The following LRRC34 variants were observed in gnomAD, a reference collection of about 807,000 sequenced individuals.
The protein encoded by LRRC34 is leucine rich repeat containing 34.
LRRC34 carries 44 observed loss-of-function variants against 48.5 expected under a neutral mutation model. The observed-to-expected ratio is 0.91, with a 90% CI of 0.71 to 1.17. The LOEUF (loss-of-function observed/expected upper bound fraction) is 1.17. Ranked by LOEUF, LRRC34 falls within the 50% of genes most tolerant of loss-of-function variation. The pLI is 0.00. For synonymous variants in LRRC34, 192 were observed against 197.6 expected, an observed-to-expected ratio of 0.97 and a Z score of 0.24; for missense variants, 502 against 563.0, an observed-to-expected ratio of 0.89 and a Z score of 1.10.
chr3:169,799,185 A>G (rs6804721), intron 7 of LRRC34, among the ~76,000 whole-genome samples: 2,178 of 152,350 alleles, frequency 0.014, 20 homozygotes, highest in Middle Eastern at 0.027. Flanking sequence ...TTCTGGTACC[A>G]AAAAGTGCAG....
chr3:169,807,368 T>C, intron 4 of LRRC34, 58 bp downstream of exon 4: 3 of 1,468,706 alleles, frequency 2.0e-6, no homozygotes, highest in Non-Finnish European at 2.9e-6. Context: ...GTGTGTGTCA[T>C]TAGACTAATT....
rs1477254204 is a variant in LRRC34, at chr3:169,811,708, A to G, written c.139+702T>C. ...CAAGCACTGGGAAATCTAAGCGATA[A>G]GCATGAGTCAGAACGTGGGTGCCCT... On this transcript the variant is annotated intron_variant, in intron 1 of 10. Coordinates refer to ENST00000446859, the MANE Select transcript of LRRC34 (RefSeq NM_001172779.2). Among the ~76,000 whole-genome samples, 3 of 152,354 alleles carry G rather than the reference A, an allele frequency of 2.0e-5. No homozygotes were observed. In the East Asian group the frequency reaches 5.8e-4, roughly 29 times the overall value.
chr3:169,794,202 C>T (rs1240651074), intron 10 of LRRC34: 1 of 182,342 alleles, frequency 5.5e-6, no homozygotes, highest in Non-Finnish European at 1.2e-5. Flanking sequence ...GGTAGGGGGG[C>T]TCGGTAGGAG....
intron 5 of LRRC34, among the ~76,000 whole-genome samples, chr3:169,805,318 C>G (rs1779333253): frequency 6.6e-6 from 1 of 152,018 alleles, no homozygotes; most frequent in Non-Finnish European, 1.5e-5. Context: ...GACACAAGAT[C>G]AATATACAAA....
Position 169,809,239 on chromosome 3 carries a change from C to A in LRRC34, c.140-494G>T, listed in dbSNP as rs1329055556. Among the ~76,000 whole-genome samples, 3 of 143,158 alleles carry A rather than the reference C, an allele frequency of 2.1e-5. No homozygotes were observed. In the East Asian group the frequency reaches 6.8e-4, roughly 32 times the overall value. The allele number at this position is 143,158 out of a possible 152,430, so 93.9% of individuals were successfully genotyped here. On this transcript the variant is annotated intron_variant, in intron 1 of 10. Transcript: ENST00000446859. ...TTTTTTCAACTCAGTATCTCAGCAT[C>A]CACGAGAGGAAAAGGTTTCTTAAAA...
Position 169,812,680 on chromosome 3 carries a change from G to A in LRRC34, c.-132C>T. ...AGGCCTCACTGCTAAGGCAGTGACC[G>A]CCTACTCTGTGGAGGTCCTTTGTCA... On this transcript the variant is annotated 5_prime_UTR_variant, in exon 1 of 11. Coordinates refer to ENST00000446859, the MANE Select transcript of LRRC34 (RefSeq NM_001172779.2). The surrounding 1 kb of genome is among the most constrained non-coding windows in gnomAD (Gnocchi z 4.3). The A allele has an allele frequency of 7.9e-7, 1 of 1,258,192 alleles. No homozygotes were observed. The highest frequency in any genetic ancestry group is 1.7e-5 in the South Asian group (1 of 58,010). 77.9% of individuals were successfully genotyped at this position (1,258,192 alleles called of 1,614,324 possible). A position where few individuals can be genotyped will look rare whatever the true frequency, so the allele number is the denominator to read the frequency against.
intron 1 of LRRC34, among the ~76,000 whole-genome samples, chr3:169,809,527 A>G (rs1779491993): frequency 1.3e-5 from 2 of 152,200 alleles, no homozygotes; most frequent in Non-Finnish European, 2.9e-5. Context: ...TTTCTGTTAT[A>G]CATGCAGATT....
intron 7 of LRRC34, among the ~76,000 whole-genome samples, chr3:169,798,614 G>A (rs565516026): frequency 2.0e-5 from 3 of 152,134 alleles, no homozygotes; most frequent in Admixed American, 1.3e-4. Flanking sequence ...GCAACAAGGG[G>A]GCCTGGGCTT....
intron 7 of LRRC34, chr3:169,797,107 G>C (rs1779020729): frequency 5.8e-6 from 2 of 341,882 alleles, no homozygotes; most frequent in Non-Finnish European, 1.0e-5. Context: ...GTAAAATATA[G>C]TCACTATATT....
chr3:169,807,320 G>C (rs1779412392), intron 4 of LRRC34, 106 bp downstream of exon 4: 7 of 1,094,012 alleles, frequency 6.4e-6, no homozygotes, highest in South Asian at 1.3e-5. Context: ...CTAGCACAGA[G>C]TCAGGACCCT....
intron 3 of LRRC34, 45 bp from the exon 4 acceptor site, chr3:169,807,535 C>T: frequency 6.2e-7 from 1 of 1,612,106 alleles, no homozygotes; most frequent in Non-Finnish European, 8.5e-7. Flanking sequence ...ATAAAGAATA[C>T]TTAAAATCAG....
chr3:169,797,940 G>C (rs1040452336), intron 7 of LRRC34, among the ~76,000 whole-genome samples: 2 of 152,144 alleles, frequency 1.3e-5, no homozygotes, highest in South Asian at 2.1e-4. Flanking sequence ...CAAAATAAGT[G>C]TTCCATAAGC....
At chr3:169,801,157 A>G (rs1432031017) in intron 6 of LRRC34, among the ~76,000 whole-genome samples, 1 of 152,146 alleles carries the variant, frequency 6.6e-6, no homozygotes, top group Non-Finnish European at 1.5e-5. Flanking sequence ...AAAGGTTACC[A>G]ATCACATTTT....
chr3:169,809,199 C>CTTT (rs35059929), intron 1 of LRRC34, among the ~76,000 whole-genome samples: 12 of 113,352 alleles, frequency 1.1e-4, no homozygotes, highest in South Asian at 3.0e-4. Flanking sequence ...CTCAAGGTTT[C>CTTT]TTTTTTTTTT....
At chr3:169,794,204 C>T (rs536569961) in intron 10 of LRRC34, 20 of 179,436 alleles carry the variant, frequency 1.1e-4, no homozygotes, top group Non-Finnish European at 1.8e-4. Flanking sequence ...TAGGGGGGCT[C>T]GGTAGGAGGC....
intron 10 of LRRC34, chr3:169,794,862 G>A (rs565309097): frequency 1.3e-5 from 2 of 152,290 alleles, no homozygotes; most frequent in South Asian, 4.1e-4. Context: ...TCCAGTTCCA[G>A]ACTCAACTTA....
intron 5 of LRRC34, among the ~76,000 whole-genome samples, chr3:169,805,096 A>G (rs1779327731): frequency 6.6e-6 from 1 of 152,238 alleles, no homozygotes; most frequent in Non-Finnish European, 1.5e-5. Flanking sequence ...TGAGATCAGG[A>G]AGAAGAAAAG....
chr3:169,807,844 A>C, intron 2 of LRRC34, 135 bp from the exon 3 acceptor site: 3 of 1,066,232 alleles, frequency 2.8e-6, no homozygotes, highest in Non-Finnish European at 3.9e-6. Flanking sequence ...GCATATAATA[A>C]GTAGACTTAT....
rs753134335 is a variant in LRRC34 at position 169,796,263 on chromosome 3, C to T, written c.1015G>A (p.Ala339Thr). 2.0e-5 allele frequency: 32 copies of T among 1,612,150 alleles called. No homozygotes were observed. The highest frequency in any genetic ancestry group is 9.4e-5 in the African/African-American group (7 of 74,758). ...GTAAGAGTTTCACTGAGATAGTTTG[C>T]GCCTGCATTTTCTATTCTGTTAAAG... Reference protein sequence around the residue: ...LSFNRIENAGANYLSETLTSH... With the variant: ...LSFNRIENAGTNYLSETLTSH... The change falls in exon 9 of 11, where the codon GCA (alanine) becomes ACA (threonine). Residue 339 changes from alanine to threonine, a missense_variant. Physicochemically the swap from Ala to Thr is moderately conservative, Grantham distance 58. Transcript: ENST00000446859.
Sources: allele counts gnomAD v4.1 joint callset (sites outside exome capture counted in the v4.1 genomes callset), GRCh38; gene constraint gnomAD v4.1.1; non-coding constraint Gnocchi (gnomAD v3.1); transcripts MANE v1.5; gene names NCBI Gene and HGNC (gene_info 2026-07-23, HGNC 2026-07-21).